Variants in NALF1 observed in about 807,000 individuals in gnomAD.
The protein encoded by NALF1 is NALCN channel auxiliary factor 1, also known as family with sequence similarity 155 member A.
A neutral mutation model predicts 48.4 loss-of-function variants in NALF1; 3 were observed. The observed-to-expected ratio is 0.06, with a 90% CI of 0.03 to 0.16. The LOEUF is 0.16. NALF1 is among the 10% of genes least tolerant of loss of function. The pLI is 1.00. For missense variants in NALF1, 526 were observed against 571.5 expected, an observed-to-expected ratio of 0.92 and a Z score of 0.81; for synonymous variants, 262 against 245.7, an observed-to-expected ratio of 1.07 and a Z score of -0.62.
chr13:107,621,628 T>C (rs981462198), intron 1 of NALF1, among the ~76,000 whole-genome samples: 1 of 152,206 alleles, frequency 6.6e-6, no homozygotes, highest in African/African-American at 2.4e-5. Flanking sequence ...ATCTAGGTAT[T>C]CTCGTTCCTT....
At chr13:107,691,046 T>G (rs1283011543) in intron 1 of NALF1, among the ~76,000 whole-genome samples, 1 of 152,208 alleles carries the variant, frequency 6.6e-6, no homozygotes, top group African/African-American at 2.4e-5. Context: ...CAAGGTACGA[T>G]AAGGTCACAC....
At chr13:107,546,021 G>A (rs565608469) in intron 1 of NALF1, among the ~76,000 whole-genome samples, 2 of 152,126 alleles carry the variant, frequency 1.3e-5, no homozygotes, top group East Asian at 3.9e-4. Flanking sequence ...CTGGGCTCTG[G>A]GTCAAGCATT....
chr13:107,653,000 T>C (rs562787743), intron 1 of NALF1, among the ~76,000 whole-genome samples: 30 of 152,256 alleles, frequency 2.0e-4, no homozygotes, highest in African/African-American at 7.0e-4. Flanking sequence ...CTGCCAAAAA[T>C]GTTTCAACAA....
At chr13:107,719,731 C>G (rs1042006372) in intron 1 of NALF1, among the ~76,000 whole-genome samples, 2 of 152,088 alleles carry the variant, frequency 1.3e-5, no homozygotes, top group African/African-American at 2.4e-5. Flanking sequence ...ATTCTACTCT[C>G]AAAGTCATAT....
At chr13:107,571,670 G>T (rs1289533802) in intron 1 of NALF1, among the ~76,000 whole-genome samples, 2 of 152,160 alleles carry the variant, frequency 1.3e-5, no homozygotes, top group African/African-American at 4.8e-5. Context: ...GAAGTTACAG[G>T]TGACAACTTC....
intron 1 of NALF1, among the ~76,000 whole-genome samples, chr13:107,300,976 A>T (rs1011893058): frequency 6.6e-6 from 1 of 152,252 alleles, no homozygotes; most frequent in Non-Finnish European, 1.5e-5. Flanking sequence ...GCATTCTTAA[A>T]TCTATCAGGT....
chr13:107,408,454 G>C (rs1043495692), intron 1 of NALF1, among the ~76,000 whole-genome samples: 1 of 151,396 alleles, frequency 6.6e-6, no homozygotes, highest in Non-Finnish European at 1.5e-5. Flanking sequence ...TTTAGCTCTT[G>C]GGTTATCCAT....
At chr13:107,726,913 T>TTCTC (rs765487919) in intron 1 of NALF1, among the ~76,000 whole-genome samples, 1 of 126,400 alleles carries the variant, frequency 7.9e-6, no homozygotes, top group Admixed American at 8.2e-5. Context: ...CGGCAAATTC[T>TTCTC]TGTGTGTGTG....
intron 1 of NALF1, among the ~76,000 whole-genome samples, chr13:107,599,854 C>T (rs1878873476): frequency 6.6e-6 from 1 of 152,116 alleles, no homozygotes; most frequent in Admixed American, 6.5e-5. Context: ...TTCCTGTAGG[C>T]ATTTGGTAAA....
At chr13:107,215,761 G>A (rs951688523) in intron 1 of NALF1, among the ~76,000 whole-genome samples, 21 of 152,112 alleles carry the variant, frequency 1.4e-4, no homozygotes, top group African/African-American at 4.8e-4. Context: ...GTGTCCTCAT[G>A]TCCTCTCTTG....
At chr13:107,863,680 C>T (rs1880637198) in intron 1 of NALF1, among the ~76,000 whole-genome samples, 2 of 152,138 alleles carry the variant, frequency 1.3e-5, no homozygotes, top group African/African-American at 4.8e-5. Context: ...TACACAAAAA[C>T]ATAATCCAGA....
chr13:107,327,313 C>T (rs974199350), intron 1 of NALF1, among the ~76,000 whole-genome samples: 1 of 152,062 alleles, frequency 6.6e-6, no homozygotes, highest in African/African-American at 2.4e-5. Context: ...GGGCCTTGGC[C>T]TGCTGACTTG....
intron 2 of NALF1, among the ~76,000 whole-genome samples, chr13:107,202,323 T>C (rs1049558377): frequency 8.0e-5 from 12 of 150,584 alleles, no homozygotes; most frequent in African/African-American, 2.4e-4. Flanking sequence ...TATATATAAA[T>C]TGGATATTTG....
intron 1 of NALF1, among the ~76,000 whole-genome samples, chr13:107,760,937 T>C (rs1256221268): frequency 6.6e-6 from 1 of 152,228 alleles, no homozygotes; most frequent in Non-Finnish European, 1.5e-5. Flanking sequence ...GAAGATCTAC[T>C]TCATTCAAAG....
intron 1 of NALF1, among the ~76,000 whole-genome samples, chr13:107,446,436 T>A (rs781061984): frequency 0.041 from 4,996 of 121,232 alleles, 157 homozygotes; most frequent in African/African-American, 0.096. Context: ...CACACACACA[T>A]ATTTTTACTA....
chr13:107,500,251 G>T (rs979021709), intron 1 of NALF1, among the ~76,000 whole-genome samples: 1 of 152,096 alleles, frequency 6.6e-6, no homozygotes, highest in Non-Finnish European at 1.5e-5. Context: ...CAGAATACTT[G>T]CGACTGGGTA....
At chr13:107,782,777 C>G (rs895289478) in intron 1 of NALF1, among the ~76,000 whole-genome samples, 16 of 151,462 alleles carry the variant, frequency 1.1e-4, no homozygotes, top group African/African-American at 3.9e-4. Flanking sequence ...CGTCTCTGCC[C>G]AGCCGCCCCA....
chr13:107,316,148 T>G (rs935765581), intron 1 of NALF1, among the ~76,000 whole-genome samples: 1 of 152,106 alleles, frequency 6.6e-6, no homozygotes, highest in South Asian at 2.1e-4. Flanking sequence ...ACATGCAGTG[T>G]TTGGTTTTTT....
intron 1 of NALF1, among the ~76,000 whole-genome samples, chr13:107,288,219 C>CTTTT (rs375800659): frequency 0.026 from 3,243 of 125,074 alleles, 88 homozygotes; most frequent in African/African-American, 0.034. Context: ...GATCTGAAGA[C>CTTTT]TTTTTTTTTT....
Sources: gnomAD v4.1 joint callset for allele counts (sites outside exome capture counted in the v4.1 genomes callset) on GRCh38, gnomAD v4.1.1 for gene constraint, MANE v1.5 for transcripts, NCBI Gene and HGNC (gene_info 2026-07-23, HGNC 2026-07-21) for gene names.